The following FRMD6 variants were observed in gnomAD, a reference collection of about 807,000 sequenced individuals.
The protein encoded by FRMD6 is FERM domain containing 6, also known as FERM domain-containing protein 6.
FRMD6 carries 37 observed loss-of-function variants against 73.2 expected under a neutral mutation model. That is an observed-to-expected ratio of 0.51 (90% CI 0.39 to 0.66). The LOEUF is 0.66. FRMD6 is among the 30% of genes least tolerant of loss of function. FRMD6 has a pLI of 0.00. For missense variants in FRMD6, 714 were observed against 780.5 expected (o/e 0.91, Z 1.02); for synonymous variants, 273 against 282.2 (o/e 0.97, Z 0.33).
Position 51,681,598 on chromosome 14 carries a change from A to G in FRMD6, c.-146-8093A>G, listed in dbSNP as rs114994126. On this transcript the variant is annotated intron_variant, in intron 1 of 13. Transcript: ENST00000344768. ...TGGCTCCAGAGTCCAAGCTCTTAAC[A>G]GCCTATTATGCTGCCTACTGCCATA... 2.5e-3 allele frequency among the ~76,000 whole-genome samples: 378 copies of G among 152,272 alleles called. 1 individual carries two copies. Among genetic ancestry groups the G allele is most frequent in the African/African-American group, 8.4e-3 (351 of 41,552 alleles).
intron 2 of FRMD6, among the ~76,000 whole-genome samples, chr14:51,643,246 T>C (rs1891890978): frequency 6.6e-6 from 1 of 152,172 alleles, no homozygotes; most frequent in African/African-American, 2.4e-5. Flanking sequence ...TAAGGCTCGG[T>C]TGACCATTGA....
the FRMD6 span, among the ~76,000 whole-genome samples, chr14:51,414,746 A>G: frequency 6.6e-6 from 1 of 152,176 alleles, no homozygotes; most frequent in Non-Finnish European, 1.5e-5. Flanking sequence ...TACCTTGGGC[A>G]TTATGGCCAT....
chr14:51,541,102 T>A (rs981359862), intron 1 of FRMD6, among the ~76,000 whole-genome samples: 6 of 152,090 alleles, frequency 3.9e-5, no homozygotes, highest in African/African-American at 1.4e-4. Context: ...TGATGTGGGG[T>A]GTCTTAGAGC....
At chr14:51,510,198 G>A (rs1213948315) in intron 1 of FRMD6, among the ~76,000 whole-genome samples, 1 of 152,220 alleles carries the variant, frequency 6.6e-6, no homozygotes, top group Non-Finnish European at 1.5e-5. Context: ...TCTGAGCTGA[G>A]CATTTGGTGT....
At chr14:51,719,264 T>A (rs952413828) in intron 10 of FRMD6, among the ~76,000 whole-genome samples, 4 of 152,230 alleles carry the variant, frequency 2.6e-5, no homozygotes, top group African/African-American at 9.6e-5. Flanking sequence ...GTTGTGTGTT[T>A]GACTGCGTTA....
Position 51,549,595 on chromosome 14 carries a change from C to CTTTTTTTTTTTTT in FRMD6, c.-209-20745_-209-20733dup, listed in dbSNP as rs35356416. Among the ~76,000 whole-genome samples, 36 of 98,020 alleles carry CTTTTTTTTTTTTT rather than the reference C, an allele frequency of 3.7e-4. 3 individuals carry two copies. The highest frequency in any genetic ancestry group is 1.1e-3 in the African/African-American group (28 of 24,440). 64.3% of individuals were successfully genotyped at this position (98,020 alleles called of 152,430 possible). On this transcript the variant is annotated intron_variant, in intron 1 of 14. Transcript: ENST00000356218. ...TGGAGTATAAACTTTTTTTTTCTTT[C>CTTTTTTTTTTTTT]TTTTTTTTTTTTTTTTTTTTGAGAC... is the stretch of plus-strand genomic sequence containing the variant.
chr14:51,565,705 G>A (rs1364909332), intron 1 of FRMD6, among the ~76,000 whole-genome samples: 1 of 150,632 alleles, frequency 6.6e-6, no homozygotes, highest in Non-Finnish European at 1.5e-5. Flanking sequence ...CATTAACTAT[G>A]AAGGAAATGG....
At chr14:51,533,422 A>G (rs550752523) in intron 1 of FRMD6, among the ~76,000 whole-genome samples, 37 of 152,326 alleles carry the variant, frequency 2.4e-4, no homozygotes, top group African/African-American at 8.7e-4. Context: ...TGAATGGCAT[A>G]AATTATTTTT....
At chr14:51,613,398 G>C (rs1890589126) in intron 2 of FRMD6, among the ~76,000 whole-genome samples, 1 of 152,202 alleles carries the variant, frequency 6.6e-6, no homozygotes, top group African/African-American at 2.4e-5. Context: ...AGATGGAGCA[G>C]TATCGGGGTA....
chr14:51,451,943 C>T, the FRMD6 span, among the ~76,000 whole-genome samples: 1 of 152,178 alleles, frequency 6.6e-6, no homozygotes, highest in African/African-American at 2.4e-5. Flanking sequence ...TTAAGACACC[C>T]GTGGAGGACT....
At chr14:51,630,938 T>C (rs760026503) in intron 2 of FRMD6, among the ~76,000 whole-genome samples, 1 of 152,172 alleles carries the variant, frequency 6.6e-6, no homozygotes, top group Non-Finnish European at 1.5e-5. Flanking sequence ...TGTATATGCA[T>C]ACTTCAAACC....
chr14:51,611,734 G>C (rs1433193215), intron 2 of FRMD6, among the ~76,000 whole-genome samples: 1 of 152,160 alleles, frequency 6.6e-6, no homozygotes, highest in African/African-American at 2.4e-5. Flanking sequence ...GAGATCTAAG[G>C]TCCTTTTGAA....
chr14:51,490,616 T>TTTTGTGTGTGTGTGTGTGTG (rs143063959), intron 1 of FRMD6, among the ~76,000 whole-genome samples: 2 of 148,024 alleles, frequency 1.4e-5, no homozygotes, highest in African/African-American at 2.5e-5. Flanking sequence ...TGTGTGTATT[T>TTTTGTGTGTGTGTGTGTGTG]TGTGTGTGTG....
chr14:51,627,467 C>G (rs1354752838), intron 2 of FRMD6, among the ~76,000 whole-genome samples: 1 of 152,154 alleles, frequency 6.6e-6, no homozygotes, highest in Non-Finnish European at 1.5e-5. Context: ...CCCTGGTGTA[C>G]AGGTGACTGA....
At chr14:51,535,702 T>G (rs1481698455) in intron 1 of FRMD6, among the ~76,000 whole-genome samples, 2 of 152,186 alleles carry the variant, frequency 1.3e-5, no homozygotes, top group Admixed American at 1.3e-4. Context: ...GCACATATCT[T>G]TGTGTGGATA....
intron 11 of FRMD6, among the ~76,000 whole-genome samples, chr14:51,721,737 A>AG (rs1555340773): frequency 7.2e-5 from 3 of 41,558 alleles, no homozygotes; most frequent in Non-Finnish European, 1.3e-4. Flanking sequence ...GAAGGGAGGG[A>AG]GGAAGGAAGG....
At chr14:51,416,452 G>T in the FRMD6 span, among the ~76,000 whole-genome samples, 1 of 152,204 alleles carries the variant, frequency 6.6e-6, no homozygotes, top group African/African-American at 2.4e-5. Context: ...TTTCCATGTA[G>T]TTGTGCGGTT....
chr14:51,696,637 C>G lies in FRMD6; in HGVS notation c.100-1505C>G, dbSNP rs145183481. 1.6e-3 allele frequency among the ~76,000 whole-genome samples: 237 copies of G among 151,720 alleles called. 2 individuals are homozygous for G. Among genetic ancestry groups the G allele is most frequent in the East Asian group, 0.014 (72 of 5,156 alleles). ...TAAATTAAAAGCTAGGCAGGCTGGGCATGGTGTCTCATCCCTGTAATCCCA... is the reference window on the plus strand; with the variant it reads ...TAAATTAAAAGCTAGGCAGGCTGGGGATGGTGTCTCATCCCTGTAATCCCA... On this transcript the variant is annotated intron_variant, in intron 2 of 13. Transcript: ENST00000344768.
intron 9 of FRMD6, among the ~76,000 whole-genome samples, chr14:51,713,164 T>C (rs541846781): frequency 6.6e-6 from 1 of 152,224 alleles, no homozygotes; most frequent in East Asian, 1.9e-4. Context: ...GTCATAAAAA[T>C]TCATAGTTCT....
Sources: allele counts gnomAD v4.1 joint callset (sites outside exome capture counted in the v4.1 genomes callset), GRCh38; gene constraint gnomAD v4.1.1; transcripts MANE v1.5; gene names NCBI Gene and HGNC (gene_info 2026-07-23, HGNC 2026-07-21).